DLGAP1: variants seen among roughly 807,000 people sequenced by gnomAD.
The protein encoded by DLGAP1 is disks large-associated protein 1.
Under a neutral mutation model 90.8 loss-of-function variants are expected in DLGAP1, and 11 were observed. The ratio of observed to expected loss-of-function variants is 0.12; its 90% confidence interval spans 0.08 to 0.20. The LOEUF (loss-of-function observed/expected upper bound fraction) is 0.20. DLGAP1 is among the 10% of genes least tolerant of loss of function. The pLI is 1.00. For synonymous variants in DLGAP1, 558 were observed against 540.7 expected, an observed-to-expected ratio of 1.03 and a Z score of -0.44; for missense variants, 1,050 against 1,333.8, an observed-to-expected ratio of 0.79 and a Z score of 3.31.
intron 1 of DLGAP1, among the ~76,000 whole-genome samples, chr18:4,222,254 A>G (rs752753462): frequency 9.2e-5 from 14 of 152,154 alleles, no homozygotes; most frequent in Admixed American, 3.9e-4. Flanking sequence ...GTGATATTCA[A>G]TATGCCCCAA....
intron 7 of DLGAP1, among the ~76,000 whole-genome samples, chr18:3,623,342 A>G (rs1414519715): frequency 6.6e-6 from 1 of 152,200 alleles, no homozygotes; most frequent in African/African-American, 2.4e-5. Context: ...ATTAATAGCT[A>G]TGATTATTTT....
chr18:4,410,553 G>A (rs976359287), intron 1 of DLGAP1, among the ~76,000 whole-genome samples: 1 of 151,986 alleles, frequency 6.6e-6, no homozygotes, highest in Non-Finnish European at 1.5e-5. Flanking sequence ...ATATATAACA[G>A]AACTCTCATA....
At chr18:4,168,439 C>G (rs1051805040) in intron 1 of DLGAP1, among the ~76,000 whole-genome samples, 19 of 152,230 alleles carry the variant, frequency 1.2e-4, no homozygotes, top group Non-Finnish European at 2.4e-4. Context: ...ATTTAACTCA[C>G]AATTACATTC....
At chr18:4,101,466 A>G (rs1203341573) in intron 2 of DLGAP1, among the ~76,000 whole-genome samples, 1 of 152,228 alleles carries the variant, frequency 6.6e-6, no homozygotes, top group East Asian at 1.9e-4. Flanking sequence ...CTCATGAAAA[A>G]GTTGAAAATA....
intron 1 of DLGAP1, among the ~76,000 whole-genome samples, chr18:4,340,482 G>A (rs2081166111): frequency 6.6e-6 from 1 of 152,124 alleles, no homozygotes; most frequent in African/African-American, 2.4e-5. Context: ...GCATGGATAA[G>A]GGGATTGCTG....
chr18:3,861,190 T>C (rs1316779973), intron 4 of DLGAP1, among the ~76,000 whole-genome samples: 1 of 152,210 alleles, frequency 6.6e-6, no homozygotes, highest in Non-Finnish European at 1.5e-5. Context: ...AAAAATCCTA[T>C]GACAGGGATT....
intron 1 of DLGAP1, among the ~76,000 whole-genome samples, chr18:4,271,910 C>T (rs988227024): frequency 1.3e-5 from 2 of 152,144 alleles, no homozygotes; most frequent in African/African-American, 4.8e-5. Flanking sequence ...CTTTTTGATG[C>T]ACACAATTCA....
At position 4,441,536 on chromosome 18, in the gene DLGAP1, T is replaced by C. The variant is rs561192687; in HGVS notation, c.-267+13470A>G. 6.4e-4 allele frequency among the ~76,000 whole-genome samples: 98 copies of C among 152,334 alleles called. 2 individuals carry two copies. In the South Asian group the frequency reaches 6.6e-3, roughly 10 times the overall value. On this transcript the variant is annotated intron_variant, in intron 1 of 12. Coordinates refer to ENST00000315677, the MANE Select transcript of DLGAP1 (RefSeq NM_004746.4). ...AAAAGGACACATGGTGATTTCTTAATACCGCAGGCATTCTAGAACAAAGCA... is the reference window on the plus strand; with the variant it reads ...AAAAGGACACATGGTGATTTCTTAACACCGCAGGCATTCTAGAACAAAGCA...
rs573069897 is a variant in DLGAP1 at position 4,454,615 on chromosome 18, G to T, written c.-267+391C>A. On this transcript the variant is annotated intron_variant, in intron 1 of 12. Transcript: ENST00000315677. This position sits in a 1 kb window ranked among gnomAD's most constrained non-coding sequence, Gnocchi z 4.7. ...CCTCCTCCCCTGCAAGGTGCATCGGGGGTGGGGTGGGGGTGCGAATTTGAC... is the reference window on the plus strand; with the variant it reads ...CCTCCTCCCCTGCAAGGTGCATCGGTGGTGGGGTGGGGGTGCGAATTTGAC... 6.6e-6 allele frequency among the ~76,000 whole-genome samples: 1 copy of T among 152,102 alleles called. No homozygotes were observed. The highest frequency in any genetic ancestry group is 2.4e-5 in the African/African-American group (1 of 41,438).
intron 3 of DLGAP1, among the ~76,000 whole-genome samples, chr18:3,935,417 G>A (rs539517649): frequency 6.6e-6 from 1 of 152,312 alleles, no homozygotes; most frequent in South Asian, 2.1e-4. Flanking sequence ...AGTATTTTAG[G>A]AAGGGTAATC....
chr18:3,908,606 C>T (rs62083568), intron 3 of DLGAP1, among the ~76,000 whole-genome samples: 6,628 of 152,194 alleles, frequency 0.044, 193 homozygotes, highest in South Asian at 0.058. Flanking sequence ...AATAGATACA[C>T]TATTTATGCT....
At chr18:4,222,963 A>C (rs1010035243) in intron 1 of DLGAP1, among the ~76,000 whole-genome samples, 5 of 152,156 alleles carry the variant, frequency 3.3e-5, no homozygotes, top group African/African-American at 1.2e-4. Context: ...AACACATATT[A>C]AAGATTTTTG....
At chr18:3,850,213 T>C (rs1456448997) in intron 4 of DLGAP1, among the ~76,000 whole-genome samples, 1 of 151,878 alleles carries the variant, frequency 6.6e-6, no homozygotes, top group Non-Finnish European at 1.5e-5. Flanking sequence ...AAAATTAAAA[T>C]ACAAAAATCT....
chr18:4,429,978 T>C (rs1230836703), intron 1 of DLGAP1, among the ~76,000 whole-genome samples: 1 of 151,984 alleles, frequency 6.6e-6, no homozygotes, highest in Non-Finnish European at 1.5e-5. Flanking sequence ...GCCATTTTCA[T>C]AAAATTTGAA....
chr18:4,449,544 C>T (rs1198196832), intron 1 of DLGAP1, among the ~76,000 whole-genome samples: 1 of 152,188 alleles, frequency 6.6e-6, no homozygotes, highest in Non-Finnish European at 1.5e-5. Flanking sequence ...TGTGCATTCA[C>T]TTGTTTATTC....
At chr18:3,833,437 T>G (rs2068181046) in intron 4 of DLGAP1, among the ~76,000 whole-genome samples, 1 of 152,088 alleles carries the variant, frequency 6.6e-6, no homozygotes, top group South Asian at 2.1e-4. Flanking sequence ...TTTTGCCATG[T>G]TGCCCAGGCT....
chr18:3,664,212 A>G (rs545762587), intron 7 of DLGAP1, among the ~76,000 whole-genome samples: 1 of 127,078 alleles, frequency 7.9e-6, no homozygotes, highest in African/African-American at 3.7e-5. Context: ...ACACACACAC[A>G]CACACCCACA....
intron 3 of DLGAP1, among the ~76,000 whole-genome samples, chr18:3,895,280 TACACACACACACACACAC>T (rs35493688): frequency 7.3e-5 from 10 of 137,364 alleles, no homozygotes; most frequent in African/African-American, 2.7e-4. Context: ...GGATGTTTAT[TACACACACACACACACAC>T]ACACACACAC....
rs1316309710 is a variant in DLGAP1, at chr18:3,496,796, T to A, written c.*2389A>T. ...GTTCTAACACCAATAATTAGCTTTTTATAAAGTGTTTGTACAATTTAAATT... is the reference window on the plus strand; with the variant it reads ...GTTCTAACACCAATAATTAGCTTTTAATAAAGTGTTTGTACAATTTAAATT... On this transcript the variant is annotated 3_prime_UTR_variant, in exon 13 of 13. Transcript: ENST00000315677. 6.6e-6 allele frequency: 1 copy of A among 152,216 alleles called. No homozygotes were observed. Among genetic ancestry groups the A allele is most frequent in the Non-Finnish European group, 1.5e-5 (1 of 68,052 alleles). 9.4% of individuals were successfully genotyped at this position (152,216 alleles called of 1,614,324 possible).
Sources: gnomAD v4.1 joint callset for allele counts (sites outside exome capture counted in the v4.1 genomes callset) on GRCh38, gnomAD v4.1.1 for gene constraint, Gnocchi (gnomAD v3.1) non-coding constraint, MANE v1.5 for transcripts, NCBI Gene and HGNC (gene_info 2026-07-23, HGNC 2026-07-21) for gene names.